Variants in FBP2 observed in about 807,000 individuals in gnomAD.
The protein encoded by FBP2 is fructose-1,6-bisphosphatase isozyme 2.
Under a neutral mutation model 31.6 loss-of-function variants are expected in FBP2, and 27 were observed. The ratio of observed to expected loss-of-function variants is 0.85; its 90% confidence interval spans 0.63 to 1.18. FBP2 has a LOEUF of 1.18. Among genes scored for constraint, FBP2 ranks in the 50% most tolerant of loss-of-function variants. FBP2 has a pLI of 0.00. For synonymous variants in FBP2, 168 were observed against 179.8 expected, an observed-to-expected ratio of 0.93 and a Z score of 0.53; for missense variants, 421 against 436.1, an observed-to-expected ratio of 0.97 and a Z score of 0.31.
chr9:94,570,124 T>TG (rs1326161946), intron 4 of FBP2: 1 of 152,230 alleles, frequency 6.6e-6, no homozygotes, highest in East Asian at 1.9e-4. Context: ...TGCCCACCTA[T>TG]GTCCAGACTG....
At chr9:94,573,116 G>C (rs766531997) in intron 3 of FBP2, 3 of 152,208 alleles carry the variant, frequency 2.0e-5, no homozygotes, top group Non-Finnish European at 2.9e-5. Context: ...CATATGTTGG[G>C]TAACAGTGGC....
Position 94,567,280 on chromosome 9 carries a change from T to C in FBP2, c.695A>G (p.Lys232Arg). The C allele has an allele frequency of 6.2e-7, 1 of 1,614,158 alleles. No homozygotes were observed. The highest frequency in any genetic ancestry group is 8.5e-7 in the Non-Finnish European group (1 of 1,180,026). Reference protein sequence around the residue: ...AATTEYVQKKKFPEDGSAPYG... With the variant: ...AATTEYVQKKRFPEDGSAPYG... ...GCTTTCTTCACTCACCTCAGGGAAT[T>C]TCTTTTTCTGCACATATTCAGTGGT... is the stretch of plus-strand genomic sequence containing the variant. Residue 232 changes from lysine (K) to arginine (R), a missense_variant, in exon 5 of 7, where the codon AAA (lysine) becomes AGA (arginine). Lys to Arg is a conservative substitution (Grantham distance 26, BLOSUM62 2). Coordinates refer to ENST00000375337, the MANE Select transcript of FBP2 (RefSeq NM_003837.4).
At chr9:94,575,177 T>C (rs1404977463) in intron 3 of FBP2, among the ~76,000 whole-genome samples, 2 of 152,194 alleles carry the variant, frequency 1.3e-5, no homozygotes, top group Non-Finnish European at 2.9e-5. Context: ...TATACACTTA[T>C]GTGTATTTAT....
At chr9:94,586,744 T>C (rs745305904) in intron 2 of FBP2, 1 of 152,264 alleles carries the variant, frequency 6.6e-6, no homozygotes, top group African/African-American at 2.4e-5. Flanking sequence ...CCTCTCTGTA[T>C]AATAAGCTGT....
intron 1 of FBP2, among the ~76,000 whole-genome samples, chr9:94,591,805 A>G (rs1243250264): frequency 2.0e-5 from 3 of 152,180 alleles, no homozygotes; most frequent in African/African-American, 4.8e-5. Flanking sequence ...TCCATTTCAC[A>G]AAGGGAATCT....
chr9:94,586,462 A>C (rs79313303), intron 2 of FBP2, among the ~76,000 whole-genome samples: 8,807 of 152,290 alleles, frequency 0.058, 370 homozygotes, highest in African/African-American at 0.1. Context: ...TTAGGCCAAT[A>C]GGAGAAGACA....
At chr9:94,585,996 A>G (rs1827423026) in intron 2 of FBP2, among the ~76,000 whole-genome samples, 1 of 152,128 alleles carries the variant, frequency 6.6e-6, no homozygotes, top group South Asian at 2.1e-4. Flanking sequence ...AGCCTCCCAA[A>G]GCACCGGGAT....
chr9:94,564,677 G>GC (rs1827160122), intron 5 of FBP2, among the ~76,000 whole-genome samples: 1 of 152,052 alleles, frequency 6.6e-6, no homozygotes, highest in South Asian at 2.1e-4. Context: ...GAGGGAGGGA[G>GC]GAGGGGGAGG....
intron 6 of FBP2, among the ~76,000 whole-genome samples, chr9:94,561,848 C>T (rs922149992): frequency 2.6e-5 from 4 of 152,118 alleles, no homozygotes; most frequent in Non-Finnish European, 2.9e-5. Flanking sequence ...GGTGGTTATG[C>T]GCAGCAAACG....
intron 1 of FBP2, among the ~76,000 whole-genome samples, chr9:94,588,777 G>A (rs7861787): frequency 0.062 from 9,499 of 152,124 alleles, 993 homozygotes; most frequent in African/African-American, 0.22. Flanking sequence ...CCAAGTCCCC[G>A]CAAGTGGGTG....
rs1022668436 is a variant in FBP2 at position 94,590,893 on chromosome 9, G to A, written c.170+2664C>T. Among the ~76,000 whole-genome samples the A allele has an allele frequency of 2.0e-5, 3 of 152,114 alleles. No homozygotes were observed. In the East Asian group the frequency reaches 5.8e-4, roughly 29 times the overall value. On this transcript the variant is annotated intron_variant, in intron 1 of 6. Transcript: ENST00000375337. The stretch of plus-strand genomic sequence containing the variant: ...GGTTCTCCACGTCCCCATCAGATTA[G>A]TTAGATACAGAGTTTCCACACACAG...
In FBP2 at chr9:94,563,442, C is replaced by A. The variant is rs1564179737; in HGVS notation, c.725G>T (p.Gly242Val). Residue 242 changes from glycine to valine, a missense_variant, in exon 6 of 7, where the codon GGG (glycine) becomes GTG (valine). Coordinates refer to ENST00000375337, the MANE Select transcript of FBP2 (RefSeq NM_003837.4). Reference sequence around the variant, plus strand: ...CACCATGGAGCCCACATACCTGGCCCCATAGGGAGCACTGCCATCCTAGAA... The same window carrying A: ...CACCATGGAGCCCACATACCTGGCCACATAGGGAGCACTGCCATCCTAGAA... Reference protein sequence around the residue: ...KFPEDGSAPYGARYVGSMVAD... With the variant: ...KFPEDGSAPYVARYVGSMVAD... 6.2e-7 allele frequency: 1 copy of A among 1,613,804 alleles called. No homozygotes were observed. The highest frequency in any genetic ancestry group is 8.5e-7 in the Non-Finnish European group (1 of 1,179,808).
intron 5 of FBP2, among the ~76,000 whole-genome samples, chr9:94,566,475 T>A (rs1373209893): frequency 6.6e-6 from 1 of 152,274 alleles, no homozygotes; most frequent in East Asian, 1.9e-4. Flanking sequence ...CATCCCTTCC[T>A]TTCCCATAAG....
intron 3 of FBP2, chr9:94,576,821 G>A (rs1827320733): frequency 6.6e-6 from 1 of 152,164 alleles, no homozygotes; most frequent in South Asian, 2.1e-4. Flanking sequence ...CACCATTTGA[G>A]CATTTTATGC....
chr9:94,574,316 T>C (rs612952), intron 3 of FBP2, among the ~76,000 whole-genome samples: 73,942 of 152,008 alleles, frequency 0.49, 18,625 homozygotes, highest in African/African-American at 0.61. Context: ...TAATTCAGCC[T>C]GGTAAACACA....
In FBP2 at chr9:94,587,450, C is replaced by A; in HGVS notation, c.190G>T (p.Val64Phe). 6.2e-7 allele frequency: 1 copy of A among 1,614,018 alleles called. No individual in the cohort carries two copies. Among genetic ancestry groups the A allele is most frequent in the Middle Eastern group, 1.6e-4 (1 of 6,062 alleles). The change falls in exon 2 of 7, where the codon GTT (valine) becomes TTT (phenylalanine). Residue 64 changes from valine (V) to phenylalanine (F), a missense_variant. Physicochemically the swap from Val to Phe is conservative, Grantham distance 50 (BLOSUM62 -1). Coordinates refer to ENST00000375337, the MANE Select transcript of FBP2 (RefSeq NM_003837.4). ...TTCACCTCATCTCCCGTCACGTTAA[C>A]GCTTCCTGCGATTCCATACCTGAGA... ...LAHLYGIAGS[V>F]NVTGDEVKKL...
intron 6 of FBP2, among the ~76,000 whole-genome samples, chr9:94,560,778 T>C (rs1316453291): frequency 6.7e-6 from 1 of 148,338 alleles, no homozygotes; most frequent in African/African-American, 2.4e-5. Context: ...ATTATATATT[T>C]TTTCTATTGT....
At position 94,573,985 on chromosome 9, in the gene FBP2, G is replaced by A. The variant is rs550846741; in HGVS notation, c.427-2383C>T. Among the ~76,000 whole-genome samples the A allele has an allele frequency of 3.3e-5, 5 of 152,322 alleles. No homozygotes were observed. The South Asian group carries it at 8.3e-4, about 25-fold the overall frequency. On this transcript the variant is annotated intron_variant, in intron 3 of 6. Coordinates refer to ENST00000375337, the MANE Select transcript of FBP2 (RefSeq NM_003837.4). ...TTTCTTAATAGTATTGAGCCCTGTA[G>A]ATAGCCATTCAAAGTATCTATTTTA...
At chr9:94,573,782 AT>A (rs1488645522) in intron 3 of FBP2, among the ~76,000 whole-genome samples, 11 of 152,262 alleles carry the variant, frequency 7.2e-5, no homozygotes, top group South Asian at 6.2e-4. Context: ...GGTCTGTGGT[AT>A]TTTTTTGAAC....
Sources: allele counts gnomAD v4.1 joint callset (sites outside exome capture counted in the v4.1 genomes callset), GRCh38; gene constraint gnomAD v4.1.1; transcripts MANE v1.5; gene names NCBI Gene and HGNC (gene_info 2026-07-23, HGNC 2026-07-21).